HIP1: variants seen among roughly 807,000 people sequenced by gnomAD.
HIP1 encodes the protein huntingtin interacting protein 1, also known as huntingtin-interacting protein 1.
HIP1 carries 65 observed loss-of-function variants against 147.6 expected under a neutral mutation model. That is an observed-to-expected ratio of 0.44 (90% CI 0.36 to 0.54). The LOEUF is 0.54. Ranked by LOEUF, HIP1 falls within the 20% of genes least tolerant of loss-of-function variation. The pLI is 0.00. For synonymous variants in HIP1, 479 were observed against 504.0 expected, an observed-to-expected ratio of 0.95 and a Z score of 0.67; for missense variants, 1,061 against 1,299.6, an observed-to-expected ratio of 0.82 and a Z score of 2.82.
chr7:75,576,223 G>A (rs1795841626), intron 7 of HIP1, among the ~76,000 whole-genome samples: 1 of 152,230 alleles, frequency 6.6e-6, no homozygotes, highest in Non-Finnish European at 1.5e-5. Flanking sequence ...CCTCGTAAGG[G>A]TCTCAGAGGA....
intron 1 of HIP1, among the ~76,000 whole-genome samples, chr7:75,660,190 C>A (rs1053539123): frequency 5.4e-5 from 8 of 147,288 alleles, no homozygotes; most frequent in Non-Finnish European, 1.0e-4. Flanking sequence ...AGTCTACTGC[C>A]GAAGTATTTA....
intron 1 of HIP1, among the ~76,000 whole-genome samples, chr7:75,632,504 C>G (rs1402169803): frequency 2.0e-5 from 3 of 151,898 alleles, no homozygotes; most frequent in African/African-American, 7.3e-5. Context: ...CTTTTGGGCT[C>G]AGCCTCCCGA....
chr7:75,696,177 G>T (rs1332402761), intron 1 of HIP1, among the ~76,000 whole-genome samples: 1 of 150,616 alleles, frequency 6.6e-6, no homozygotes, highest in Admixed American at 6.6e-5. Context: ...TTGTAGGGAT[G>T]GGTTCTCACT....
intron 12 of HIP1, 63 bp downstream of exon 12, chr7:75,562,010 T>C: frequency 1.1e-6 from 1 of 946,638 alleles, no homozygotes; most frequent in Non-Finnish European, 1.7e-6. Context: ...GGTTAGTGTT[T>C]TGAGGCAGAC....
chr7:75,605,286 C>A (rs1797181426), intron 1 of HIP1, among the ~76,000 whole-genome samples: 1 of 152,126 alleles, frequency 6.6e-6, no homozygotes, highest in Non-Finnish European at 1.5e-5. Context: ...AGATGACAGG[C>A]CTTCTGGGCA....
At chr7:75,584,120 C>T (rs1271594754) in intron 5 of HIP1, among the ~76,000 whole-genome samples, 2 of 150,928 alleles carry the variant, frequency 1.3e-5, no homozygotes, top group African/African-American at 4.9e-5. Flanking sequence ...CACCACCATG[C>T]CCGGCTAATT....
chr7:75,684,964 A>G (rs545644158), intron 1 of HIP1, among the ~76,000 whole-genome samples: 5 of 152,014 alleles, frequency 3.3e-5, no homozygotes, highest in African/African-American at 9.6e-5. Context: ...GGTGGTGGGT[A>G]CCTGTAGTCC....
chr7:75,577,021 A>G (rs1383071703), intron 7 of HIP1, among the ~76,000 whole-genome samples: 2 of 152,134 alleles, frequency 1.3e-5, no homozygotes, highest in African/African-American at 4.8e-5. Flanking sequence ...TGGACAGTGC[A>G]CACTGCGGGT....
chr7:75,708,692 C>T (rs1320633675), intron 1 of HIP1, among the ~76,000 whole-genome samples: 2 of 152,042 alleles, frequency 1.3e-5, no homozygotes, highest in Non-Finnish European at 2.9e-5. Flanking sequence ...TCTGGGCTCT[C>T]TATTGTATTT....
rs781906257 is a variant in HIP1, at chr7:75,542,897, G to A, written c.2844C>T (p.Gly948=). 1.4e-5 allele frequency: 22 copies of A among 1,613,804 alleles called. No homozygotes were observed. The East Asian group carries it at 3.1e-4, about 23-fold the overall frequency. ...TGCCGGAAATGGTTGAGGCCACAACGCCGGCAGTGGCCTGGTTCACTCCCC... is the reference window on the plus strand; with the variant it reads ...TGCCGGAAATGGTTGAGGCCACAACACCGGCAGTGGCCTGGTTCACTCCCC... The part of the protein sequence containing the change: ...ASRGVNQATA[G]VVASTISGKS... Residue 948 remains glycine, a synonymous_variant, in exon 28 of 31, where the codon GGC becomes GGT. Coordinates refer to ENST00000336926, the MANE Select transcript of HIP1 (RefSeq NM_005338.7).
intron 1 of HIP1, among the ~76,000 whole-genome samples, chr7:75,734,415 C>T (rs1329699876): frequency 6.6e-6 from 1 of 152,038 alleles, no homozygotes; most frequent in African/African-American, 2.4e-5. Flanking sequence ...CACTGCACTC[C>T]AGACTGGACA....
intron 5 of HIP1, 21 bp downstream of exon 5, chr7:75,586,732 G>C (rs374632640): frequency 2.6e-6 from 4 of 1,542,474 alleles, no homozygotes; most frequent in Non-Finnish European, 3.6e-6. Context: ...GGTGGCGGCA[G>C]AACTGTCCGC....
chr7:75,734,890 C>T (rs189519149), intron 1 of HIP1, among the ~76,000 whole-genome samples: 2 of 152,288 alleles, frequency 1.3e-5, no homozygotes. Context: ...GCTCCCAACC[C>T]CAAAGCCTGT....
intron 1 of HIP1, among the ~76,000 whole-genome samples, chr7:75,656,487 T>C (rs1364872243): frequency 2.0e-5 from 3 of 152,076 alleles, no homozygotes; most frequent in Admixed American, 1.3e-4. Context: ...AAGATCTTTT[T>C]GATTTTTGAG....
chr7:75,656,858 C>T (rs149465729), intron 1 of HIP1, among the ~76,000 whole-genome samples: 1,720 of 152,290 alleles, frequency 0.011, 36 homozygotes, highest in African/African-American at 0.04. Context: ...AGTCTCTGAA[C>T]AGGACAATCT....
At chr7:75,592,329 A>G in intron 3 of HIP1, 43 bp downstream of exon 3, 2 of 1,576,970 alleles carry the variant, frequency 1.3e-6, no homozygotes, top group Non-Finnish European at 1.7e-6. Context: ...TTTCCCCACA[A>G]GGATCCCTGG....
At chr7:75,604,697 AAGGGAGGG>A (rs587704645) in intron 1 of HIP1, among the ~76,000 whole-genome samples, 1 of 142,328 alleles carries the variant, frequency 7.0e-6, no homozygotes, top group African/African-American at 2.5e-5. Context: ...GGAAGGAAGG[AAGGGAGGG>A]AGGGAGGGAA....
At chr7:75,680,648 T>C (rs1404172322) in intron 1 of HIP1, among the ~76,000 whole-genome samples, 1 of 151,930 alleles carries the variant, frequency 6.6e-6, no homozygotes, top group Non-Finnish European at 1.5e-5. Context: ...CTCACTCTGT[T>C]ACCCAGGTTG....
intron 8 of HIP1, among the ~76,000 whole-genome samples, chr7:75,570,836 G>A (rs782629724): frequency 3.0e-4 from 45 of 151,684 alleles, no homozygotes; most frequent in Non-Finnish European, 6.3e-4. Flanking sequence ...ATGAAACCCT[G>A]TCTCTACTAA....
Sources: gnomAD v4.1 joint callset for allele counts (sites outside exome capture counted in the v4.1 genomes callset) on GRCh38, gnomAD v4.1.1 for gene constraint, MANE v1.5 for transcripts, NCBI Gene and HGNC (gene_info 2026-07-23, HGNC 2026-07-21) for gene names.